Variants in DPF3 observed in about 807,000 individuals in gnomAD.
The protein encoded by DPF3 is zinc finger protein DPF3.
A neutral mutation model predicts 56.8 loss-of-function variants in DPF3; 18 were observed. That is an observed-to-expected ratio of 0.32 (90% confidence interval 0.22 to 0.47). DPF3 has a LOEUF of 0.47. DPF3 is among the 20% of genes least tolerant of loss of function. The pLI, the probability that DPF3 is intolerant of heterozygous loss-of-function variation, is 1.00. For synonymous variants in DPF3, 188 were observed against 180.2 expected (o/e 1.04, Z -0.35); for missense variants, 403 against 488.8 (o/e 0.82, Z 1.65).
At chr14:72,631,563 G>A (rs1263047097) in intron 8 of DPF3, among the ~76,000 whole-genome samples, 1 of 152,106 alleles carries the variant, frequency 6.6e-6, no homozygotes, top group African/African-American at 2.4e-5. Flanking sequence ...TCATGGAGCT[G>A]ATGCTCATAT....
chr14:72,802,943 C>T (rs548656713), intron 1 of DPF3, among the ~76,000 whole-genome samples: 1 of 152,214 alleles, frequency 6.6e-6, no homozygotes, highest in African/African-American at 2.4e-5. Context: ...ATCATCACCC[C>T]CATGGAGGTC....
intron 7 of DPF3, among the ~76,000 whole-genome samples, chr14:72,680,735 C>T (rs1476544559): frequency 1.3e-5 from 2 of 152,228 alleles, no homozygotes; most frequent in Admixed American, 6.5e-5. Flanking sequence ...CACAGGAGAG[C>T]TGGAAAGGCA....
chr14:72,807,485 T>C (rs1230711479), intron 1 of DPF3, among the ~76,000 whole-genome samples: 1 of 152,214 alleles, frequency 6.6e-6, no homozygotes, highest in Non-Finnish European at 1.5e-5. Context: ...CGGCTAGTTT[T>C]GACAGAGGGC....
At chr14:72,628,326 T>C (rs1884957192) in intron 9 of DPF3, among the ~76,000 whole-genome samples, 1 of 152,122 alleles carries the variant, frequency 6.6e-6, no homozygotes, top group Non-Finnish European at 1.5e-5. Flanking sequence ...TAAATAGATA[T>C]TTTAACCACA....
chr14:72,877,773 C>T (rs184179920), intron 1 of DPF3, among the ~76,000 whole-genome samples: 108 of 152,286 alleles, frequency 7.1e-4, no homozygotes, highest in Middle Eastern at 3.4e-3. Flanking sequence ...TAGCGTTCAT[C>T]CCTGCTACCC....
intron 3 of DPF3, among the ~76,000 whole-genome samples, chr14:72,736,823 C>T (rs889593406): frequency 1.3e-5 from 2 of 152,030 alleles, no homozygotes; most frequent in Non-Finnish European, 2.9e-5. Context: ...CCACATAACC[C>T]GACAGGAGCC....
chr14:72,838,246 C>T (rs1884379012), intron 1 of DPF3, among the ~76,000 whole-genome samples: 1 of 152,242 alleles, frequency 6.6e-6, no homozygotes. Flanking sequence ...GTAATTCCAG[C>T]ACTCTGGGAG....
In DPF3 at chr14:72,891,213, G is replaced by C. The variant is rs377662748; in HGVS notation, c.32+2844C>G. On this transcript the variant is annotated intron_variant, in intron 1 of 10. Coordinates refer to ENST00000556509, the MANE Select transcript of DPF3 (RefSeq NM_001280542.3). ...TGCATAGGTGCTGCTGGAAATCTGA[G>C]CTTGTTTCTTCCCAACACATTAACT... Among the ~76,000 whole-genome samples the C allele has an allele frequency of 9.3e-4, 142 of 152,200 alleles. 1 individual carries two copies. Among genetic ancestry groups the C allele is most frequent in the African/African-American group, 3.2e-3 (131 of 41,518 alleles).
chr14:72,619,870 T>C, intron 10 of DPF3, 33 bp downstream of exon 10: 1 of 1,513,158 alleles, frequency 6.6e-7, no homozygotes, highest in Non-Finnish European at 8.8e-7. Context: ...TAGTATCTGT[T>C]GCTGTTCTTA....
At chr14:72,721,289 A>T (rs565841388) in intron 5 of DPF3, among the ~76,000 whole-genome samples, 1 of 152,332 alleles carries the variant, frequency 6.6e-6, no homozygotes, top group South Asian at 2.1e-4. Context: ...CACCCAATTC[A>T]TATCCACTGA....
intron 6 of DPF3, among the ~76,000 whole-genome samples, chr14:72,709,968 C>A (rs1463238544): frequency 6.6e-6 from 1 of 152,250 alleles, no homozygotes; most frequent in African/African-American, 2.4e-5. Flanking sequence ...AGCAAAAGGG[C>A]ATATGCCTGC....
intron 7 of DPF3, among the ~76,000 whole-genome samples, chr14:72,686,410 A>C (rs1252555387): frequency 6.6e-6 from 1 of 152,154 alleles, no homozygotes; most frequent in Non-Finnish European, 1.5e-5. Context: ...GAGGATTATT[A>C]CCCCCGTTTT....
At position 72,860,618 on chromosome 14, in the gene DPF3, G is replaced by A. The variant is rs149781363; in HGVS notation, c.32+33439C>T. 4.4e-5 allele frequency among the ~76,000 whole-genome samples: 6 copies of A among 135,448 alleles called. No individual in the cohort carries two copies. The East Asian group carries it at 1.0e-3, about 24-fold the overall frequency. The allele number at this position is 135,448 out of a possible 152,430, so 88.9% of individuals were successfully genotyped here. A position where few individuals can be genotyped will look rare whatever the true frequency, so the allele number is the denominator to read the frequency against. The stretch of plus-strand genomic sequence containing the variant: ...CTCACTCTGTCGCCAAGGCTGGAGT[G>A]CAATGGCACAATCTTGGCTCACCAC... On this transcript the variant is annotated intron_variant, in intron 1 of 10. Coordinates refer to ENST00000556509, the MANE Select transcript of DPF3 (RefSeq NM_001280542.3).
At chr14:72,854,411 G>C (rs141505485) in intron 1 of DPF3, among the ~76,000 whole-genome samples, 225 of 152,178 alleles carry the variant, frequency 1.5e-3, no homozygotes, top group Middle Eastern at 0.01. Flanking sequence ...CTTAAAGAAT[G>C]AATTTTTCAT....
rs771814167 is a variant in DPF3 at position 72,753,285 on chromosome 14, G to A, written c.280C>T (p.Arg94Trp). 10 of 1,613,544 alleles carry A rather than the reference G, an allele frequency of 6.2e-6. No individual in the cohort carries two copies. Among genetic ancestry groups the A allele is most frequent in the Admixed American group, 3.3e-5 (2 of 59,992 alleles). ...RLHPPEDPKLRLLEIKPEVEL... is the reference protein window; with the variant it reads ...RLHPPEDPKLWLLEIKPEVEL... ...TGACCAGGTTTTATCTCCAGCAGCC[G>A]CAGTTTTGGATCTTCAGGTGGGTGC... The change falls in exon 3 of 11, where the codon CGG becomes TGG. Residue 94 changes from arginine (R) to tryptophan (W), a missense_variant. Physicochemically the swap from Arg to Trp is moderately radical, Grantham distance 101 (BLOSUM62 -3). Around this residue, in one of 2 missense-constraint regions of DPF3, gnomAD observed 340 missense variants for 374.3 expected, o/e 0.91. Coordinates refer to ENST00000556509, the MANE Select transcript of DPF3 (RefSeq NM_001280542.3).
At chr14:72,837,020 C>A (rs1410445374) in intron 1 of DPF3, among the ~76,000 whole-genome samples, 1 of 152,060 alleles carries the variant, frequency 6.6e-6, no homozygotes, top group African/African-American at 2.4e-5. Flanking sequence ...CAGGCGCGCA[C>A]CACCACACCT....
At chr14:72,680,823 GC>G (rs1458856783) in intron 7 of DPF3, among the ~76,000 whole-genome samples, 1 of 152,246 alleles carries the variant, frequency 6.6e-6, no homozygotes, top group Non-Finnish European at 1.5e-5. Flanking sequence ...GGGCCCCTAG[GC>G]CCGGGGTTTT....
intron 9 of DPF3, among the ~76,000 whole-genome samples, chr14:72,627,169 C>A (rs1465163754): frequency 3.9e-5 from 6 of 151,932 alleles, no homozygotes; most frequent in African/African-American, 1.4e-4. Flanking sequence ...GTCAGATATA[C>A]CAACATTTTA....
chr14:72,632,624 G>A (rs1294913855), intron 8 of DPF3, among the ~76,000 whole-genome samples: 1 of 146,498 alleles, frequency 6.8e-6, no homozygotes, highest in Non-Finnish European at 1.5e-5. Context: ...AGGAAGGAAG[G>A]AAAGAAGCAG....
Sources: allele counts gnomAD v4.1 joint callset (sites outside exome capture counted in the v4.1 genomes callset), GRCh38; gene constraint gnomAD v4.1.1; regional missense constraint gnomAD v4.1.1; transcripts MANE v1.5; gene names NCBI Gene and HGNC (gene_info 2026-07-23, HGNC 2026-07-21).